TOM1L2: variants seen among roughly 807,000 people sequenced by gnomAD.
The protein encoded by TOM1L2 is target of myb1 like 2 membrane trafficking protein, also known as TOM1-like protein 2.
A neutral mutation model predicts 67.9 loss-of-function variants in TOM1L2; 31 were observed. The observed-to-expected ratio is 0.46, with a 90% CI of 0.34 to 0.62. The LOEUF (loss-of-function observed/expected upper bound fraction) is 0.62, where lower values mean the gene tolerates loss of function less well. Ranked by LOEUF, TOM1L2 falls within the 20% of genes least tolerant of loss-of-function variation. The pLI is 0.01. For missense variants in TOM1L2, 606 were observed against 663.5 expected (o/e 0.91, Z 0.95); for synonymous variants, 256 against 254.0 (o/e 1.01, Z -0.07).
chr17:17,923,401 CAAACAACAACAACA>C (rs1231075112), intron 1 of TOM1L2, among the ~76,000 whole-genome samples: 6 of 151,918 alleles, frequency 3.9e-5, no homozygotes, highest in Admixed American at 6.6e-5. Flanking sequence ...AACTCCATCT[CAAACAACAACAACA>C]AAACAACAAC....
chr17:17,931,463 C>T (rs1249229515), intron 1 of TOM1L2, among the ~76,000 whole-genome samples: 2 of 152,220 alleles, frequency 1.3e-5, no homozygotes, highest in Non-Finnish European at 2.9e-5. Flanking sequence ...TCAGTTTCCA[C>T]ATCTATAGAA....
At chr17:17,888,775 C>T (rs1003569281) in intron 4 of TOM1L2, among the ~76,000 whole-genome samples, 4 of 152,214 alleles carry the variant, frequency 2.6e-5, no homozygotes, top group East Asian at 1.9e-4. Context: ...ACTCCATTTC[C>T]GCTCCTGAAA....
rs34675283 is a variant in TOM1L2, at chr17:17,915,841, G to GT, written c.53-8311dup. Among the ~76,000 whole-genome samples, 1,292 of 130,326 alleles carry GT rather than the reference G, an allele frequency of 9.9e-3. 12 individuals are homozygous for GT. The highest frequency in any genetic ancestry group is 0.014 in the Admixed American group (188 of 13,214). 85.5% of individuals were successfully genotyped at this position (130,326 alleles called of 152,430 possible). A position where few individuals can be genotyped will look rare whatever the true frequency, so the allele number is the denominator to read the frequency against. ...TTGGCTCCATTTTTAAACTGAGTAG[G>GT]TTTTTTTTTTTTTTTTTGGTTGTTA... On this transcript the variant is annotated intron_variant, in intron 1 of 14. Coordinates refer to ENST00000379504, the MANE Select transcript of TOM1L2 (RefSeq NM_001082968.2).
At chr17:17,890,504 A>C (rs1031850383) in intron 4 of TOM1L2, among the ~76,000 whole-genome samples, 1 of 152,224 alleles carries the variant, frequency 6.6e-6, no homozygotes, top group African/African-American at 2.4e-5. Context: ...CCCAAACTGC[A>C]AACACCAAGT....
chr17:17,852,588 G>A (rs2036033821), intron 12 of TOM1L2, among the ~76,000 whole-genome samples: 1 of 152,232 alleles, frequency 6.6e-6, no homozygotes, highest in Admixed American at 6.5e-5. Flanking sequence ...GAATTGAGCA[G>A]GGCACGGTGG....
intron 11 of TOM1L2, 69 bp from the exon 12 acceptor site, chr17:17,861,620 G>T: frequency 1.5e-6 from 2 of 1,370,438 alleles, no homozygotes; most frequent in Non-Finnish European, 2.1e-6. Context: ...TGGGGTAGTG[G>T]CCTGTAATCA....
At chr17:17,853,206 T>A (rs1355116953) in intron 12 of TOM1L2, among the ~76,000 whole-genome samples, 2 of 152,174 alleles carry the variant, frequency 1.3e-5, no homozygotes, top group Non-Finnish European at 2.9e-5. Context: ...TCCCCAAAAC[T>A]GAAGCTTAGA....
chr17:17,849,264 G>A (rs920585280), intron 13 of TOM1L2, among the ~76,000 whole-genome samples: 1 of 152,184 alleles, frequency 6.6e-6, no homozygotes, highest in African/African-American at 2.4e-5. Flanking sequence ...AGGGTCACGT[G>A]TGCCCAACAC....
At chr17:17,851,003 G>A (rs2035944694) in intron 12 of TOM1L2, 51 bp from the exon 13 acceptor site, 1 of 1,597,714 alleles carries the variant, frequency 6.3e-7, no homozygotes, top group African/African-American at 1.3e-5. Flanking sequence ...AGCCAGCGAG[G>A]GGAGACAGAA....
chr17:17,964,537 T>C (rs1164709588), intron 1 of TOM1L2, among the ~76,000 whole-genome samples: 1 of 152,360 alleles, frequency 6.6e-6, no homozygotes, highest in East Asian at 1.9e-4. Flanking sequence ...GAGATTTTTT[T>C]CTCCTTTGCA....
At chr17:17,956,529 G>C (rs528538687) in intron 1 of TOM1L2, among the ~76,000 whole-genome samples, 8 of 152,214 alleles carry the variant, frequency 5.3e-5, no homozygotes, top group African/African-American at 1.9e-4. Context: ...CGATGGGACC[G>C]GGCGCAGTGG....
chr17:17,929,775 A>G (rs867015007), intron 1 of TOM1L2, among the ~76,000 whole-genome samples: 3 of 152,246 alleles, frequency 2.0e-5, no homozygotes, highest in African/African-American at 7.2e-5. Context: ...TTACACACAC[A>G]ATTCTGCACA....
intron 1 of TOM1L2, among the ~76,000 whole-genome samples, chr17:17,961,803 T>G (rs1448225296): frequency 6.9e-6 from 1 of 144,222 alleles, no homozygotes; most frequent in Non-Finnish European, 1.5e-5. Context: ...ACCCGGGAGG[T>G]GGAGCTTGCA....
chr17:17,924,324 T>C (rs926297484), intron 1 of TOM1L2, among the ~76,000 whole-genome samples: 7 of 152,104 alleles, frequency 4.6e-5, no homozygotes, highest in African/African-American at 1.7e-4. Context: ...TAAAACTGAT[T>C]GTGGTAATGG....
At chr17:17,970,368 T>C (rs2042022900) in intron 1 of TOM1L2, among the ~76,000 whole-genome samples, 1 of 152,084 alleles carries the variant, frequency 6.6e-6, no homozygotes, top group Non-Finnish European at 1.5e-5. Context: ...CCAACCACAT[T>C]TGTATTTTAA....
At chr17:17,873,219 G>A (rs528702287) in intron 7 of TOM1L2, among the ~76,000 whole-genome samples, 1 of 152,318 alleles carries the variant, frequency 6.6e-6, no homozygotes, top group South Asian at 2.1e-4. Flanking sequence ...CAAACATACA[G>A]CAAAACAGGA....
intron 8 of TOM1L2, among the ~76,000 whole-genome samples, chr17:17,868,679 C>T (rs1317757618): frequency 6.6e-6 from 1 of 152,094 alleles, no homozygotes; most frequent in African/African-American, 2.4e-5. Flanking sequence ...AAAACTAGGT[C>T]TAAATAAGAC....
chr17:17,949,012 A>G (rs1365932277), intron 1 of TOM1L2, among the ~76,000 whole-genome samples: 3 of 152,196 alleles, frequency 2.0e-5, no homozygotes, highest in Non-Finnish European at 4.4e-5. Flanking sequence ...AAGGGGCCAC[A>G]TACAGAGTGA....
chr17:17,870,722 G>A (rs959391526), intron 7 of TOM1L2, among the ~76,000 whole-genome samples: 1 of 152,164 alleles, frequency 6.6e-6, no homozygotes, highest in African/African-American at 2.4e-5. Context: ...TGCTAGCTTG[G>A]CTACAGGGTC....
Sources: gnomAD v4.1 joint callset for allele counts (sites outside exome capture counted in the v4.1 genomes callset) on GRCh38, gnomAD v4.1.1 for gene constraint, MANE v1.5 for transcripts, NCBI Gene and HGNC (gene_info 2026-07-23, HGNC 2026-07-21) for gene names.